CCDC112: variants seen among roughly 807,000 people sequenced by gnomAD.
CCDC112 encodes the protein coiled-coil domain-containing protein 112.
In CCDC112, 40 loss-of-function variants were observed where a neutral mutation model predicts 66.3. That is an observed-to-expected ratio of 0.60 (90% CI 0.47 to 0.79). The LOEUF (loss-of-function observed/expected upper bound fraction) is 0.79, where lower values mean the gene tolerates loss of function less well. Ranked by LOEUF, CCDC112 falls within the 30% of genes least tolerant of loss-of-function variation. CCDC112 has a pLI of 0.00. For synonymous variants in CCDC112, 214 were observed against 197.2 expected, an observed-to-expected ratio of 1.09 and a Z score of -0.71; for missense variants, 659 against 603.8, an observed-to-expected ratio of 1.09 and a Z score of -0.96.
intron 1 of CCDC112, 134 bp from the exon 2 acceptor site, chr5:115,285,042 T>C (rs1264429266): frequency 5.9e-6 from 4 of 676,124 alleles, no homozygotes; most frequent in Non-Finnish European, 9.9e-6. Flanking sequence ...ACTTAACTCT[T>C]AAAAGTACAT....
At chr5:115,293,011 A>C (rs911693322) in intron 1 of CCDC112, among the ~76,000 whole-genome samples, 1 of 152,202 alleles carries the variant, frequency 6.6e-6, no homozygotes, top group Non-Finnish European at 1.5e-5. Flanking sequence ...GGCTTAAACA[A>C]CACACATTTA....
Position 115,271,577 on chromosome 5 carries a change from A to G in CCDC112, c.968T>C (p.Phe323Ser). The G allele has an allele frequency of 6.4e-7, 1 of 1,560,066 alleles. No individual in the cohort carries two copies. Among genetic ancestry groups the G allele is most frequent in the Non-Finnish European group, 8.6e-7 (1 of 1,160,728 alleles). The change falls in exon 7 of 10, where the codon TTC (phenylalanine) becomes TCC (serine). Residue 323 changes from phenylalanine (F) to serine (S), a missense_variant. Coordinates refer to ENST00000379611, the MANE Select transcript of CCDC112 (RefSeq NM_001040440.3). The stretch of plus-strand genomic sequence containing the variant: ...GTTGTCTGCCTTTTCCTTTAACTTG[A>G]AAATTTCCTCCCTTTTTTGCTGCTT... ...TKKQQKREEI[F>S]KLKEKADNTP... is the part of the protein sequence containing the mutation.
intron 2 of CCDC112, among the ~76,000 whole-genome samples, chr5:115,284,370 A>T (rs1431428008): frequency 6.6e-6 from 1 of 152,196 alleles, no homozygotes; most frequent in Non-Finnish European, 1.5e-5. Context: ...TAAATATATG[A>T]TGTTCGTCAT....
At chr5:115,288,931 T>C in intron 1 of CCDC112, 2 of 439,930 alleles carry the variant, frequency 4.5e-6, no homozygotes, top group Non-Finnish European at 9.0e-6. Context: ...TCCTCTGGAT[T>C]GTACAAGGAG....
chr5:115,292,879 C>T (rs1469075166), intron 1 of CCDC112, among the ~76,000 whole-genome samples: 1 of 152,206 alleles, frequency 6.6e-6, no homozygotes. Context: ...ACAACCCTAT[C>T]TTAGTATTTA....
At chr5:115,271,658 A>G in intron 6 of CCDC112, 32 bp from the exon 7 acceptor site, 1 of 1,434,414 alleles carries the variant, frequency 7.0e-7, no homozygotes, top group Non-Finnish European at 9.2e-7. Context: ...AGAAAGCAAG[A>G]GAAAAAAGTT....
At chr5:115,269,318 G>A (rs1748903004) in intron 8 of CCDC112, among the ~76,000 whole-genome samples, 1 of 152,116 alleles carries the variant, frequency 6.6e-6, no homozygotes, top group Admixed American at 6.6e-5. Flanking sequence ...TTTAGGATAA[G>A]TAACTACCAA....
intron 6 of CCDC112, among the ~76,000 whole-genome samples, chr5:115,272,555 C>T (rs1295175959): frequency 1.3e-5 from 2 of 152,168 alleles, no homozygotes; most frequent in Non-Finnish European, 2.9e-5. Flanking sequence ...GCACATAGTG[C>T]TTCCGAAGTA....
At chr5:115,272,759 T>A (rs1233930393) in intron 6 of CCDC112, among the ~76,000 whole-genome samples, 1 of 152,194 alleles carries the variant, frequency 6.6e-6, no homozygotes, top group Non-Finnish European at 1.5e-5. Flanking sequence ...ACTCAATAAA[T>A]CTTTATGGTA....
intron 1 of CCDC112, among the ~76,000 whole-genome samples, chr5:115,295,744 G>A (rs1750124380): frequency 6.6e-6 from 1 of 152,112 alleles, no homozygotes; most frequent in Admixed American, 6.5e-5. Flanking sequence ...GGGGTGTGAG[G>A]AGAAACATAA....
intron 6 of CCDC112, 141 bp downstream of exon 6, chr5:115,275,075 T>C: frequency 1.5e-6 from 1 of 679,710 alleles, no homozygotes; most frequent in Non-Finnish European, 2.4e-6. Context: ...CTCAGTTTCA[T>C]CTTCTATTAG....
intron 2 of CCDC112, chr5:115,280,270 G>C (rs771258287): frequency 7.7e-5 from 12 of 156,576 alleles, no homozygotes; most frequent in Admixed American, 1.9e-4. Context: ...ATATATGTGG[G>C]AGATCTCTGT....
At chr5:115,296,175 A>T in intron 1 of CCDC112, 1 of 1,259,866 alleles carries the variant, frequency 7.9e-7, no homozygotes, top group Non-Finnish European at 1.0e-6. Context: ...ATATGTTCTT[A>T]TCACGCGGCT....
chr5:115,285,256 G>A (rs1749627977), intron 1 of CCDC112, among the ~76,000 whole-genome samples: 1 of 152,104 alleles, frequency 6.6e-6, no homozygotes, highest in Non-Finnish European at 1.5e-5. Flanking sequence ...TAATAATATG[G>A]TCCCTGTCTG....
chr5:115,294,606 T>C (rs1376971896), intron 1 of CCDC112, among the ~76,000 whole-genome samples: 2 of 152,218 alleles, frequency 1.3e-5, no homozygotes, highest in Non-Finnish European at 2.9e-5. Context: ...ACTTTAGATA[T>C]TTTGGTAGAC....
intron 2 of CCDC112, among the ~76,000 whole-genome samples, chr5:115,282,841 A>G (rs1289967891): frequency 6.6e-6 from 1 of 152,074 alleles, no homozygotes; most frequent in Admixed American, 6.6e-5. Flanking sequence ...AATTTAAAAA[A>G]AGATATTATA....
chr5:115,289,990 CAA>C (rs1456238901), intron 1 of CCDC112, among the ~76,000 whole-genome samples: 1 of 152,184 alleles, frequency 6.6e-6, no homozygotes, highest in African/African-American at 2.4e-5. Flanking sequence ...GCCTAAAGCA[CAA>C]AAGTTTTTTA....
rs955694521 is a variant in CCDC112, at chr5:115,286,501, C to T, written c.118-1593G>A. Among the ~76,000 whole-genome samples the T allele has an allele frequency of 5.3e-5, 8 of 152,256 alleles. No individual in the cohort carries two copies. In the East Asian group the frequency reaches 7.7e-4, roughly 15 times the overall value. On this transcript the variant is annotated intron_variant, in intron 1 of 9. Coordinates refer to ENST00000379611, the MANE Select transcript of CCDC112 (RefSeq NM_001040440.3). ...CATTATTTGGCCAAATTAATCTGAACATTTGTGTACATGTTTTAATGTGAA... is the reference window on the plus strand; with the variant it reads ...CATTATTTGGCCAAATTAATCTGAATATTTGTGTACATGTTTTAATGTGAA...
At chr5:115,295,329 G>GTGTCACACAT (rs1322540345) in intron 1 of CCDC112, among the ~76,000 whole-genome samples, 1 of 152,128 alleles carries the variant, frequency 6.6e-6, no homozygotes, top group East Asian at 1.9e-4. Flanking sequence ...CAGCAACATG[G>GTGTCACACAT]TGTCACACAT....
Sources: allele counts gnomAD v4.1 joint callset (sites outside exome capture counted in the v4.1 genomes callset), GRCh38; gene constraint gnomAD v4.1.1; transcripts MANE v1.5; gene names NCBI Gene and HGNC (gene_info 2026-07-23, HGNC 2026-07-21).